Variants in RIT2 observed in about 807,000 individuals in gnomAD.
RIT2 encodes the protein Ras like without CAAX 2.
In RIT2, 24 loss-of-function variants were observed where a neutral mutation model predicts 23.7. The observed-to-expected ratio is 1.01, with a 90% CI of 0.73 to 1.43. The LOEUF is 1.43. Among genes scored for constraint, RIT2 ranks in the 40% most tolerant of loss-of-function variants. The pLI, the probability that RIT2 is intolerant of heterozygous loss-of-function variation, is 0.00. For synonymous variants in RIT2, 107 were observed against 91.1 expected (o/e 1.17, Z -0.99); for missense variants, 236 against 266.9 (o/e 0.88, Z 0.81).
chr18:42,855,463 T>A (rs545809139), intron 4 of RIT2, among the ~76,000 whole-genome samples: 1 of 152,282 alleles, frequency 6.6e-6, no homozygotes. Context: ...TATCACACAA[T>A]AAAATTCTGT....
At chr18:42,971,675 T>C (rs952497765) in intron 3 of RIT2, among the ~76,000 whole-genome samples, 7 of 152,080 alleles carry the variant, frequency 4.6e-5, no homozygotes, top group Non-Finnish European at 1.5e-5. Flanking sequence ...AGCAGATCTG[T>C]TCCATGTGTG....
intron 4 of RIT2, among the ~76,000 whole-genome samples, chr18:42,872,820 T>C (rs1174679359): frequency 6.6e-6 from 1 of 152,246 alleles, no homozygotes; most frequent in Non-Finnish European, 1.5e-5. Context: ...TGTCCCATAT[T>C]AATTTTTTCA....
intron 2 of RIT2, among the ~76,000 whole-genome samples, chr18:43,000,536 TAA>T (rs1475630300): frequency 6.6e-6 from 1 of 152,030 alleles, no homozygotes; most frequent in Non-Finnish European, 1.5e-5. Flanking sequence ...TTTCTATTGA[TAA>T]GTGATATGGT....
chr18:42,961,493 C>T (rs1261794594), intron 3 of RIT2, among the ~76,000 whole-genome samples: 1 of 152,184 alleles, frequency 6.6e-6, no homozygotes, highest in Non-Finnish European at 1.5e-5. Context: ...TACTCTAGTA[C>T]TATCCTCTGA....
intron 4 of RIT2, among the ~76,000 whole-genome samples, chr18:42,754,248 T>A (rs1417356290): frequency 3.3e-5 from 5 of 152,064 alleles, no homozygotes; most frequent in Non-Finnish European, 7.4e-5. Context: ...CCCTTCTTTG[T>A]GGTAGGCAGA....
chr18:42,924,242 C>T (rs1294688929), intron 3 of RIT2, among the ~76,000 whole-genome samples: 2 of 152,058 alleles, frequency 1.3e-5, no homozygotes, highest in Non-Finnish European at 2.9e-5. Context: ...TCTGGGGGAA[C>T]AAATTTTTCT....
At chr18:42,757,584 C>T (rs913199557) in intron 4 of RIT2, among the ~76,000 whole-genome samples, 6 of 152,156 alleles carry the variant, frequency 3.9e-5, no homozygotes, top group South Asian at 2.1e-4. Context: ...CAATATTCTA[C>T]GTTTTCTGGC....
At position 42,971,246 on chromosome 18, in the gene RIT2, A is replaced by C. The variant is rs928633999; in HGVS notation, c.234+2828T>G. Among the ~76,000 whole-genome samples the C allele has an allele frequency of 2.0e-5, 3 of 152,128 alleles. No individual in the cohort carries two copies. In the East Asian group the frequency reaches 5.8e-4, roughly 29 times the overall value. ...CAGGGAACATAAATTCTGTTAAAAC[A>C]ACTGTATAGACCACCTCCTGAATGG... On this transcript the variant is annotated intron_variant, in intron 3 of 4. Coordinates refer to ENST00000326695, the MANE Select transcript of RIT2 (RefSeq NM_002930.4).
chr18:42,901,721 A>G (rs1287352300), intron 4 of RIT2, among the ~76,000 whole-genome samples: 1 of 152,044 alleles, frequency 6.6e-6, no homozygotes, highest in Non-Finnish European at 1.5e-5. Context: ...AGGTCAATTT[A>G]AAGTGCAAGA....
chr18:43,004,457 A>G (rs1001498414), intron 2 of RIT2, among the ~76,000 whole-genome samples: 1 of 151,914 alleles, frequency 6.6e-6, no homozygotes, highest in Admixed American at 6.6e-5. Flanking sequence ...AACATTAAAA[A>G]AGTAATTTTC....
intron 2 of RIT2, among the ~76,000 whole-genome samples, chr18:42,990,953 A>T (rs1910831589): frequency 6.8e-6 from 1 of 148,144 alleles, no homozygotes; most frequent in African/African-American, 2.5e-5. Flanking sequence ...AAAGGAGTAC[A>T]GAGATTTTCT....
intron 4 of RIT2, among the ~76,000 whole-genome samples, chr18:42,844,586 G>A (rs183794611): frequency 6.6e-6 from 1 of 152,106 alleles, no homozygotes; most frequent in East Asian, 1.9e-4. Flanking sequence ...AAGTCAGGAT[G>A]CCTCTCTGAA....
intron 4 of RIT2, among the ~76,000 whole-genome samples, chr18:42,776,736 G>T (rs180900899): frequency 1.4e-4 from 22 of 152,188 alleles, no homozygotes; most frequent in African/African-American, 5.3e-4. Flanking sequence ...TAAGAATTAT[G>T]ACCCTGTTTC....
intron 3 of RIT2, among the ~76,000 whole-genome samples, chr18:42,929,238 C>T (rs777261884): frequency 4.6e-5 from 7 of 151,712 alleles, no homozygotes; most frequent in Non-Finnish European, 1.0e-4. Flanking sequence ...CCCCTAAGCA[C>T]TGATTGCTGA....
At chr18:42,875,707 G>A (rs1907727983) in intron 4 of RIT2, among the ~76,000 whole-genome samples, 1 of 151,908 alleles carries the variant, frequency 6.6e-6, no homozygotes, top group Non-Finnish European at 1.5e-5. Context: ...AAATATAATA[G>A]ACCTATCAGT....
intron 3 of RIT2, among the ~76,000 whole-genome samples, chr18:42,948,176 T>A (rs774272090): frequency 1.3e-5 from 2 of 152,086 alleles, no homozygotes; most frequent in African/African-American, 4.8e-5. Flanking sequence ...TACTGAGACA[T>A]TTGTGACATC....
intron 1 of RIT2, among the ~76,000 whole-genome samples, chr18:43,084,657 T>C (rs1913239504): frequency 6.6e-6 from 1 of 152,126 alleles, no homozygotes; most frequent in Non-Finnish European, 1.5e-5. Flanking sequence ...CTGCATGTTC[T>C]CTCTCACAAG....
At chr18:42,868,645 TGGAA>T (rs1907535729) in intron 4 of RIT2, among the ~76,000 whole-genome samples, 1 of 152,010 alleles carries the variant, frequency 6.6e-6, no homozygotes, top group Admixed American at 6.6e-5. Context: ...TATATGGAGG[TGGAA>T]TATACATGAG....
At chr18:43,035,280 A>G (rs541959715) in intron 1 of RIT2, among the ~76,000 whole-genome samples, 1 of 152,314 alleles carries the variant, frequency 6.6e-6, no homozygotes, top group African/African-American at 2.4e-5. Flanking sequence ...GTATTACTCA[A>G]TTTGACAGCT....
Sources: gnomAD v4.1 joint callset for allele counts (sites outside exome capture counted in the v4.1 genomes callset) on GRCh38, gnomAD v4.1.1 for gene constraint, MANE v1.5 for transcripts, NCBI Gene and HGNC (gene_info 2026-07-23, HGNC 2026-07-21) for gene names.